The following RAD51B variants were observed in gnomAD, a reference collection of about 807,000 sequenced individuals.
RAD51B encodes DNA repair protein RAD51 homolog 2.
In RAD51B, 38 loss-of-function variants were observed where a neutral mutation model predicts 42.2. The observed-to-expected ratio is 0.90, with a 90% CI of 0.70 to 1.18. RAD51B has a LOEUF of 1.18. RAD51B is among the 50% of genes most tolerant of loss of function. The pLI is 0.00. For missense variants in RAD51B, 373 were observed against 400.7 expected (o/e 0.93, Z 0.59); for synonymous variants, 154 against 145.2 (o/e 1.06, Z -0.43).
chr14:68,391,515 T>G (rs2083758075), intron 8 of RAD51B, among the ~76,000 whole-genome samples: 1 of 152,138 alleles, frequency 6.6e-6, no homozygotes, highest in Admixed American at 6.6e-5. Flanking sequence ...CTGGAAATTC[T>G]TTAACTTCCC....
At chr14:68,008,810 C>T (rs541174018) in intron 7 of RAD51B, among the ~76,000 whole-genome samples, 6 of 152,060 alleles carry the variant, frequency 3.9e-5, no homozygotes, top group African/African-American at 1.4e-4. Context: ...AGTCCTGATA[C>T]GTATTGCTAA....
At position 68,260,392 on chromosome 14, in the gene RAD51B, A is replaced by G. The variant is rs114225343; in HGVS notation, c.757-31492A>G. ...CACAAGTTTCATGGCTGACACCTCT[A>G]TAACAAAGGAGATTAACAAGAGAAA... On this transcript the variant is annotated intron_variant, in intron 7 of 10. Transcript: ENST00000471583. Among the ~76,000 whole-genome samples, 249 of 147,574 alleles carry G rather than the reference A, an allele frequency of 1.7e-3. 1 individual carries two copies. The highest frequency in any genetic ancestry group is 6.9e-3 in the Middle Eastern group (2 of 288).
At chr14:68,234,343 G>A (rs2080204175) in intron 7 of RAD51B, among the ~76,000 whole-genome samples, 1 of 152,216 alleles carries the variant, frequency 6.6e-6, no homozygotes, top group Non-Finnish European at 1.5e-5. Flanking sequence ...TCCAATGGAC[G>A]ACAATAGTAT....
intron 10 of RAD51B, among the ~76,000 whole-genome samples, chr14:68,504,662 C>CTTTTTTTTTTTTT (rs57967320): frequency 0.014 from 1,292 of 90,098 alleles, 1 homozygote; most frequent in East Asian, 0.033. Flanking sequence ...TTTTTTCTTT[C>CTTTTTTTTTTTTT]TTTTTTTTTT....
At chr14:68,520,447 A>G (rs1400324353) in intron 10 of RAD51B, among the ~76,000 whole-genome samples, 1 of 152,244 alleles carries the variant, frequency 6.6e-6, no homozygotes, top group African/African-American at 2.4e-5. Context: ...CATATTAGAC[A>G]GTTAAGCTTG....
chr14:68,358,077 A>C (rs2082945086), intron 8 of RAD51B, among the ~76,000 whole-genome samples: 1 of 152,200 alleles, frequency 6.6e-6, no homozygotes, highest in Non-Finnish European at 1.5e-5. Context: ...GTCAGAATAC[A>C]CACATTTATT....
intron 10 of RAD51B, among the ~76,000 whole-genome samples, chr14:68,571,599 G>A (rs780951623): frequency 5.9e-5 from 9 of 152,072 alleles, no homozygotes; most frequent in Non-Finnish European, 1.0e-4. Context: ...TTGTGATTAC[G>A]TTGGGCCAGG....
intron 7 of RAD51B, among the ~76,000 whole-genome samples, chr14:68,278,590 C>G (rs1009424408): frequency 7.2e-5 from 11 of 152,186 alleles, no homozygotes; most frequent in African/African-American, 2.7e-4. Context: ...AGACATGGCA[C>G]TGGGTACTTT....
At chr14:68,670,573 A>G (rs1234861264) in intron 11 of RAD51B, among the ~76,000 whole-genome samples, 1 of 152,130 alleles carries the variant, frequency 6.6e-6, no homozygotes, top group African/African-American at 2.4e-5. Context: ...ATGCCCAGCA[A>G]TGGCTTTTCC....
chr14:67,896,349 T>C (rs1566946900), intron 7 of RAD51B, among the ~76,000 whole-genome samples: 1 of 152,206 alleles, frequency 6.6e-6, no homozygotes, highest in Non-Finnish European at 1.5e-5. Context: ...TAAAACTGAA[T>C]GTAGAAGATT....
chr14:67,892,517 A>T (rs1246676699), intron 7 of RAD51B, among the ~76,000 whole-genome samples: 1 of 152,184 alleles, frequency 6.6e-6, no homozygotes, highest in Non-Finnish European at 1.5e-5. Context: ...TGGGTTACTC[A>T]TATCCAGCCA....
At chr14:68,099,775 G>T (rs957563899) in intron 7 of RAD51B, among the ~76,000 whole-genome samples, 24 of 152,212 alleles carry the variant, frequency 1.6e-4, no homozygotes, top group African/African-American at 5.8e-4. Context: ...GGAACTTAAT[G>T]CTGCGGTTGT....
Position 68,593,538 on chromosome 14 carries a change from T to C in RAD51B, c.1037-947T>C, listed in dbSNP as rs191184796. Among the ~76,000 whole-genome samples the C allele has an allele frequency of 1.5e-4, 23 of 152,246 alleles. 1 individual carries two copies. The highest frequency in any genetic ancestry group is 5.2e-4 in the Admixed American group (8 of 15,298). On this transcript the variant is annotated intron_variant, in intron 10 of 10. Coordinates refer to the RAD51B transcript ENST00000487270. Reference sequence around the variant, plus strand: ...ATGGGGAGGGAGAGATGAAATCCAATGGGACAAGAGGGAATTCACATCATT... The same window carrying C: ...ATGGGGAGGGAGAGATGAAATCCAACGGGACAAGAGGGAATTCACATCATT...
rs778136542 is a variant in RAD51B, at chr14:68,331,367, C to CAAAA, written c.853+39402_853+39405dup. ...TGGGCTACAGAACGAGACTCTGTCT[C>CAAAA]AAAAAAAAAAAAAAAAAAGCAATGG... On this transcript the variant is annotated intron_variant, in intron 8 of 10. Transcript: ENST00000471583. Among the ~76,000 whole-genome samples the CAAAA allele has an allele frequency of 5.8e-4, 19 of 32,948 alleles. 4 individuals carry two copies. Among genetic ancestry groups the CAAAA allele is most frequent in the East Asian group, 2.0e-3 (3 of 1,502 alleles). 21.6% of individuals were successfully genotyped at this position (32,948 alleles called of 152,430 possible). A position where few individuals can be genotyped will look rare whatever the true frequency, so the allele number is the denominator to read the frequency against.
At chr14:68,411,625 T>C in intron 9 of RAD51B, 98 bp downstream of exon 9, 2 of 1,133,882 alleles carry the variant, frequency 1.8e-6, no homozygotes, top group South Asian at 1.3e-5. Context: ...GCATTGTCTG[T>C]CCTGAGCCAG....
intron 10 of RAD51B, among the ~76,000 whole-genome samples, chr14:68,567,500 A>G (rs1889482733): frequency 6.6e-6 from 1 of 152,158 alleles, no homozygotes; most frequent in Non-Finnish European, 1.5e-5. Flanking sequence ...TCCAAAGTCC[A>G]TGGTTTACAT....
At chr14:68,337,834 T>C (rs1175457135) in intron 8 of RAD51B, among the ~76,000 whole-genome samples, 2 of 152,282 alleles carry the variant, frequency 1.3e-5, no homozygotes, top group East Asian at 3.9e-4. Flanking sequence ...TGCAGTGACA[T>C]GATCACAGCT....
chr14:68,267,515 G>T (rs1389524349), intron 7 of RAD51B, among the ~76,000 whole-genome samples: 1 of 152,072 alleles, frequency 6.6e-6, no homozygotes, highest in Non-Finnish European at 1.5e-5. Flanking sequence ...TGTGTGTAAG[G>T]TTTGATTGGT....
At chr14:68,474,674 G>T (rs989085775) in intron 10 of RAD51B, among the ~76,000 whole-genome samples, 7 of 152,174 alleles carry the variant, frequency 4.6e-5, no homozygotes, top group Admixed American at 3.3e-4. Flanking sequence ...CATCAGGGAA[G>T]CCCCTGTGAC....
Sources: allele counts gnomAD v4.1 joint callset (sites outside exome capture counted in the v4.1 genomes callset), GRCh38; gene constraint gnomAD v4.1.1; transcripts MANE v1.5; gene names NCBI Gene and HGNC (gene_info 2026-07-23, HGNC 2026-07-21).